STK10: variants seen among roughly 807,000 people sequenced by gnomAD.
STK10 encodes serine/threonine kinase 10, also known as serine/threonine-protein kinase 10.
A neutral mutation model predicts 113.8 loss-of-function variants in STK10; 78 were observed. The observed-to-expected ratio is 0.69, with a 90% CI of 0.57 to 0.83. STK10 has a LOEUF of 0.83. STK10 is among the 40% of genes least tolerant of loss of function. The pLI, the probability that STK10 is intolerant of heterozygous loss-of-function variation, is 0.00. For missense variants in STK10, 1,109 were observed against 1,280.1 expected, an observed-to-expected ratio of 0.87 and a Z score of 2.04; for synonymous variants, 465 against 494.7, an observed-to-expected ratio of 0.94 and a Z score of 0.80.
intron 2 of STK10, among the ~76,000 whole-genome samples, chr5:172,128,511 A>G (rs1209274861): frequency 6.6e-6 from 1 of 152,110 alleles, no homozygotes; most frequent in Non-Finnish European, 1.5e-5. Flanking sequence ...TTGTGTTTTT[A>G]GTAGAGATGG....
At chr5:172,078,707 C>T (rs1768364198) in intron 12 of STK10, among the ~76,000 whole-genome samples, 1 of 130,338 alleles carries the variant, frequency 7.7e-6, no homozygotes, top group Admixed American at 8.1e-5. Context: ...TGAAGAAAAA[C>T]ACCCATAGAA....
In STK10 at chr5:172,043,675, A is replaced by G. The variant is rs1224689904; in HGVS notation, c.*1207T>C. On this transcript the variant is annotated 3_prime_UTR_variant, in exon 19 of 19. Transcript: ENST00000176763. ...ATACATTCTGCAGCTGTAGAATCAGAATCTGGGGGAAGCCAACTGAGACCC... is the reference window on the plus strand; with the variant it reads ...ATACATTCTGCAGCTGTAGAATCAGGATCTGGGGGAAGCCAACTGAGACCC... 6.6e-6 allele frequency: 1 copy of G among 152,178 alleles called. No individual in the cohort carries two copies. The highest frequency in any genetic ancestry group is 1.5e-5 in the Non-Finnish European group (1 of 68,026). 9.4% of individuals were successfully genotyped at this position (152,178 alleles called of 1,614,324 possible). A position where few individuals can be genotyped will look rare whatever the true frequency, so the allele number is the denominator to read the frequency against.
chr5:172,176,893 G>T (rs1047216477), intron 1 of STK10, among the ~76,000 whole-genome samples: 11 of 152,194 alleles, frequency 7.2e-5, no homozygotes, highest in South Asian at 6.2e-4. Flanking sequence ...AGACCCCAGA[G>T]GCCGGTGCGG....
At chr5:172,084,636 T>G (rs1205050605) in intron 10 of STK10, among the ~76,000 whole-genome samples, 1 of 151,746 alleles carries the variant, frequency 6.6e-6, no homozygotes, top group Non-Finnish European at 1.5e-5. Flanking sequence ...GGTAGGAAAA[T>G]GAAGAGGGAA....
intron 2 of STK10, among the ~76,000 whole-genome samples, chr5:172,141,996 C>T (rs1261245462): frequency 1.3e-5 from 2 of 152,174 alleles, no homozygotes; most frequent in Admixed American, 1.3e-4. Context: ...CTGCCCTGTA[C>T]CAGGCATTGT....
Position 172,043,411 on chromosome 5 carries a change from T to G in STK10, c.*1471A>C, listed in dbSNP as rs1767426289. 6.6e-6 allele frequency: 1 copy of G among 152,146 alleles called. No individual in the cohort carries two copies. Among genetic ancestry groups the G allele is most frequent in the African/African-American group, 2.4e-5 (1 of 41,432 alleles). 9.4% of individuals were successfully genotyped at this position (152,146 alleles called of 1,614,324 possible). ...GCGGAAAAAGTCCTCCCAGGAAGTC[T>G]CAACCACTCTACCACCAGCGAAACA... On this transcript the variant is annotated 3_prime_UTR_variant, in exon 19 of 19. Coordinates refer to ENST00000176763, the MANE Select transcript of STK10 (RefSeq NM_005990.4).
At chr5:172,048,353 C>T (rs566479568) in intron 18 of STK10, among the ~76,000 whole-genome samples, 4 of 151,156 alleles carry the variant, frequency 2.6e-5, no homozygotes, top group Admixed American at 6.6e-5. Context: ...ACTTACCAGC[C>T]CCCACAATCG....
chr5:172,061,641 G>A (rs1461078082), intron 13 of STK10: 4 of 161,846 alleles, frequency 2.5e-5, no homozygotes, highest in Non-Finnish European at 4.1e-5. Context: ...TAGTAGAGAC[G>A]GGGTTTCACC....
At chr5:172,103,160 G>C (rs1303156403) in intron 7 of STK10, among the ~76,000 whole-genome samples, 4 of 152,224 alleles carry the variant, frequency 2.6e-5, no homozygotes, top group Non-Finnish European at 5.9e-5. Flanking sequence ...GCCAAGATCT[G>C]GGCCCACCTC....
At chr5:172,109,904 C>G (rs980907947) in intron 4 of STK10, among the ~76,000 whole-genome samples, 1 of 152,188 alleles carries the variant, frequency 6.6e-6, no homozygotes, top group African/African-American at 2.4e-5. Flanking sequence ...TTCAGGCCAC[C>G]CCGGGCACCA....
At chr5:172,072,995 G>A (rs1204923710) in intron 12 of STK10, among the ~76,000 whole-genome samples, 2 of 152,130 alleles carry the variant, frequency 1.3e-5, no homozygotes, top group Non-Finnish European at 2.9e-5. Flanking sequence ...TCTTTTCCAA[G>A]TTGGGTTTTA....
chr5:172,183,025 A>C (rs553350519), intron 1 of STK10, among the ~76,000 whole-genome samples: 35 of 152,108 alleles, frequency 2.3e-4, no homozygotes, highest in Non-Finnish European at 3.8e-4. Flanking sequence ...TGGACAATAT[A>C]GTGAGACCCC....
Position 172,093,516 on chromosome 5 carries a change from C to A in STK10, c.1450G>T (p.Asp484Tyr). ...AQAAPGPSKR[D>Y]SDCSSLCTSE... is the part of the protein sequence containing the mutation. ...GTGCAGAGGCTGCTGCAGTCCGAGT[C>A]CCTCTTGGAAGGCCCTGGAGCTGCC... The change falls in exon 9 of 19, where the codon GAC becomes TAC. Residue 484 changes from aspartate to tyrosine, a missense_variant. Around this residue, in one of 5 missense-constraint regions of STK10, gnomAD observed 885 missense variants for 991.1 expected, o/e 0.89. Transcript: ENST00000176763. The surrounding 1 kb of genome is among the most constrained non-coding windows in gnomAD (Gnocchi z 4.1). The A allele has an allele frequency of 6.2e-7, 1 of 1,614,226 alleles. No individual in the cohort carries two copies. The highest frequency in any genetic ancestry group is 8.5e-7 in the Non-Finnish European group (1 of 1,180,034).
intron 16 of STK10, 86 bp from the exon 17 acceptor site, chr5:172,054,780 A>G: frequency 6.4e-7 from 1 of 1,573,964 alleles, no homozygotes; most frequent in East Asian, 2.2e-5. Flanking sequence ...GCCCAGGGAG[A>G]CCCCTCAGGG....
At chr5:172,047,874 C>T (rs978196556) in intron 18 of STK10, among the ~76,000 whole-genome samples, 1 of 151,594 alleles carries the variant, frequency 6.6e-6, no homozygotes, top group Non-Finnish European at 1.5e-5. Context: ...TACAAATAAC[C>T]ACACTGAGGT....
chr5:172,114,473 A>ATATATATATTTT (rs1226289994), intron 4 of STK10: 1 of 47,536 alleles, frequency 2.1e-5, no homozygotes, highest in African/African-American at 1.4e-4. Flanking sequence ...ATATATATAT[A>ATATATATATTTT]TTTTTTTTTT....
chr5:172,064,557 A>G (rs887413888), intron 13 of STK10, 163 bp downstream of exon 13: 18 of 676,634 alleles, frequency 2.7e-5, no homozygotes, highest in South Asian at 1.6e-4. Context: ...GGAAGGCTGC[A>G]TGGAGGAGGG....
chr5:172,171,248 G>A (rs1770660473), intron 1 of STK10, among the ~76,000 whole-genome samples: 1 of 152,174 alleles, frequency 6.6e-6, no homozygotes, highest in Non-Finnish European at 1.5e-5. Context: ...GGACGTTCTT[G>A]AACTGTTTCC....
At chr5:172,136,166 A>C (rs948020655) in intron 2 of STK10, among the ~76,000 whole-genome samples, 3 of 152,252 alleles carry the variant, frequency 2.0e-5, no homozygotes, top group African/African-American at 7.2e-5. Context: ...AGTACTATGA[A>C]CAACTGTATG....
Sources: gnomAD v4.1 joint callset for allele counts (sites outside exome capture counted in the v4.1 genomes callset) on GRCh38, gnomAD v4.1.1 for gene constraint, gnomAD v4.1.1 regional missense constraint, Gnocchi (gnomAD v3.1) non-coding constraint, MANE v1.5 for transcripts, NCBI Gene and HGNC (gene_info 2026-07-23, HGNC 2026-07-21) for gene names.